The following NUDCD3 variants were observed in gnomAD, a reference collection of about 807,000 sequenced individuals.
The protein encoded by NUDCD3 is nudC domain-containing protein 3.
In NUDCD3, 13 loss-of-function variants were observed where a neutral mutation model predicts 39.7. That is an observed-to-expected ratio of 0.33 (90% CI 0.21 to 0.52). NUDCD3 has a LOEUF of 0.52. Ranked by LOEUF, NUDCD3 falls within the 20% of genes least tolerant of loss-of-function variation. The probability of loss-of-function intolerance (pLI) is 0.96; values close to 1 mark genes in which losing one functional copy is unlikely to be tolerated. For missense variants in NUDCD3, 453 were observed against 458.1 expected (o/e 0.99, Z 0.10); for synonymous variants, 175 against 172.4 (o/e 1.02, Z -0.12).
chr7:44,458,485 C>A (rs866901680), intron 2 of NUDCD3, among the ~76,000 whole-genome samples: 3 of 152,106 alleles, frequency 2.0e-5, no homozygotes, highest in Admixed American at 6.5e-5. Context: ...CATGGTGAAA[C>A]CCCGTCTCTA....
rs1412274049 is a variant in NUDCD3, at chr7:44,415,857, G to A, written c.643-11274C>T. ...GTTACCATCGTGACAATGTCCCATA[G>A]GTGCCACAGACAAAAAACAAAAATA... On this transcript the variant is annotated intron_variant, in intron 3 of 5. Coordinates refer to ENST00000355451, the MANE Select transcript of NUDCD3 (RefSeq NM_015332.4). 2.0e-5 allele frequency among the ~76,000 whole-genome samples: 3 copies of A among 152,124 alleles called. No homozygotes were observed. In the East Asian group the frequency reaches 5.8e-4, roughly 29 times the overall value.
intron 2 of NUDCD3, among the ~76,000 whole-genome samples, chr7:44,436,217 C>G (rs1799461221): frequency 6.6e-6 from 1 of 151,938 alleles, no homozygotes; most frequent in Non-Finnish European, 1.5e-5. Flanking sequence ...AAATTTAAGT[C>G]CTTATTTCTT....
intron 3 of NUDCD3, among the ~76,000 whole-genome samples, chr7:44,412,345 G>A (rs763556567): frequency 2.6e-5 from 4 of 152,224 alleles, no homozygotes; most frequent in Non-Finnish European, 5.9e-5. Flanking sequence ...AACAGATGGT[G>A]TATACAATCT....
rs1799263182 is a variant in NUDCD3 at position 44,427,609 on chromosome 7, T to C, written c.604A>G (p.Arg202Gly). The C allele has an allele frequency of 3.7e-6, 6 of 1,613,684 alleles. No homozygotes were observed. Among genetic ancestry groups the C allele is most frequent in the South Asian group, 1.1e-5 (1 of 91,008 alleles). ...WSQDYTDLEV[R>G]VPVPKHVVKG... is the part of the protein sequence containing the mutation. ...ACCACGTGCTTGGGTACTGGCACCCTGACCTCCAGGTCAGTATAGTCCTGT... is the reference window on the plus strand; with the variant it reads ...ACCACGTGCTTGGGTACTGGCACCCCGACCTCCAGGTCAGTATAGTCCTGT... The change falls in exon 3 of 6, where the codon AGG (arginine) becomes GGG (glycine). Residue 202 changes from arginine (R) to glycine (G), a missense_variant. Coordinates refer to ENST00000355451, the MANE Select transcript of NUDCD3 (RefSeq NM_015332.4).
intron 4 of NUDCD3, among the ~76,000 whole-genome samples, chr7:44,397,958 T>G (rs1321438370): frequency 6.6e-6 from 1 of 152,156 alleles, no homozygotes; most frequent in Admixed American, 6.5e-5. Flanking sequence ...GATTAACTCA[T>G]GTGTGCACAC....
intron 4 of NUDCD3, among the ~76,000 whole-genome samples, chr7:44,398,681 A>G (rs1440320396): frequency 1.3e-5 from 2 of 152,186 alleles, no homozygotes; most frequent in African/African-American, 4.8e-5. Context: ...ATTTCTATTC[A>G]GGGAAGCAAT....
intron 2 of NUDCD3, among the ~76,000 whole-genome samples, chr7:44,439,028 A>G (rs1415772917): frequency 6.6e-6 from 1 of 152,222 alleles, no homozygotes; most frequent in Non-Finnish European, 1.5e-5. Flanking sequence ...AGAGGGGCCC[A>G]CAACAGCAAT....
chr7:44,458,981 G>GTGTGTGT (rs1563183463), intron 2 of NUDCD3, among the ~76,000 whole-genome samples: 2 of 81,936 alleles, frequency 2.4e-5, no homozygotes, highest in Non-Finnish European at 5.2e-5. Context: ...TGTGTGTGTG[G>GTGTGTGT]TGATGTGTAT....
intron 2 of NUDCD3, chr7:44,481,427 G>A (rs912827808): frequency 6.6e-6 from 1 of 152,206 alleles, no homozygotes; most frequent in African/African-American, 2.4e-5. Flanking sequence ...CGCTCTTCAG[G>A]CTTTCAGCTG....
Position 44,431,132 on chromosome 7 carries a change from C to T in NUDCD3, c.510-3429G>A, listed in dbSNP as rs1199526735. ...GCCAACAGTATGTAAAAATAAGCATCCTGTCAAGTGCAGGTGTCTCTGGCC... is the reference window on the plus strand; with the variant it reads ...GCCAACAGTATGTAAAAATAAGCATTCTGTCAAGTGCAGGTGTCTCTGGCC... On this transcript the variant is annotated intron_variant, in intron 2 of 5. Transcript: ENST00000355451. Among the ~76,000 whole-genome samples, 4 of 152,288 alleles carry T rather than the reference C, an allele frequency of 2.6e-5. No individual in the cohort carries two copies. The East Asian group carries it at 7.7e-4, about 29-fold the overall frequency.
chr7:44,480,941 C>CAAAAAAAAAAAAAA (rs1164765600), intron 2 of NUDCD3, among the ~76,000 whole-genome samples: 24 of 34,878 alleles, frequency 6.9e-4, no homozygotes, highest in African/African-American at 2.5e-3. Context: ...GACCCAGTAT[C>CAAAAAAAAAAAAAA]AAAAAAAAAA....
chr7:44,444,426 T>C (rs979406391), intron 2 of NUDCD3, among the ~76,000 whole-genome samples: 1 of 152,150 alleles, frequency 6.6e-6, no homozygotes, highest in Non-Finnish European at 1.5e-5. Flanking sequence ...AGAAAGCTTT[T>C]CTGGCTGGGA....
At chr7:44,387,256 G>A (rs1161205324) in intron 5 of NUDCD3, among the ~76,000 whole-genome samples, 2 of 152,094 alleles carry the variant, frequency 1.3e-5, no homozygotes, top group Non-Finnish European at 1.5e-5. Context: ...AAACTCCTGG[G>A]CTCAAGCGAT....
At chr7:44,404,266 C>A (rs2116874191) in intron 4 of NUDCD3, among the ~76,000 whole-genome samples, 174 bp downstream of exon 4, 1 of 152,236 alleles carries the variant, frequency 6.6e-6, no homozygotes, top group Non-Finnish European at 1.5e-5. Flanking sequence ...AGCTCAAGTG[C>A]CCACAGAGAC....
At chr7:44,415,288 T>G (rs1322571273) in intron 3 of NUDCD3, among the ~76,000 whole-genome samples, 6 of 152,212 alleles carry the variant, frequency 3.9e-5, no homozygotes, top group African/African-American at 4.8e-5. Context: ...CAAAAACATC[T>G]GTCATTAACT....
intron 2 of NUDCD3, among the ~76,000 whole-genome samples, chr7:44,474,325 C>G (rs1800319008): frequency 1.3e-5 from 2 of 152,046 alleles, no homozygotes; most frequent in Non-Finnish European, 2.9e-5. Flanking sequence ...TTGCTTTTTT[C>G]TAACACATCA....
chr7:44,407,280 A>G (rs1012644743), intron 3 of NUDCD3, among the ~76,000 whole-genome samples: 1 of 151,780 alleles, frequency 6.6e-6, no homozygotes, highest in Non-Finnish European at 1.5e-5. Flanking sequence ...AAAAAAAAAA[A>G]AAAGACCGGG....
chr7:44,426,001 C>CG, intron 3 of NUDCD3: 1 of 354,676 alleles, frequency 2.8e-6, no homozygotes, highest in South Asian at 1.1e-4. Context: ...GTGGCGCAAT[C>CG]GGTTAGCATG....
At chr7:44,393,507 A>T (rs907815052) in intron 4 of NUDCD3, among the ~76,000 whole-genome samples, 1 of 152,210 alleles carries the variant, frequency 6.6e-6, no homozygotes, top group Non-Finnish European at 1.5e-5. Context: ...AACTGGCTGC[A>T]TCTGCTGTGG....
Sources: gnomAD v4.1 joint callset for allele counts (sites outside exome capture counted in the v4.1 genomes callset) on GRCh38, gnomAD v4.1.1 for gene constraint, MANE v1.5 for transcripts, NCBI Gene and HGNC (gene_info 2026-07-23, HGNC 2026-07-21) for gene names.